LGI4: variants seen among roughly 807,000 people sequenced by gnomAD.
The protein encoded by LGI4 is leucine rich repeat LGI family member 4.
Under a neutral mutation model 48.3 loss-of-function variants are expected in LGI4, and 36 were observed. That is an observed-to-expected ratio of 0.75 (90% CI 0.57 to 0.98). The LOEUF (loss-of-function observed/expected upper bound fraction) is 0.98. Among genes scored for constraint, LGI4 ranks in the 50% least tolerant of loss-of-function variants. The pLI is 0.00. For missense variants in LGI4, 701 were observed against 732.1 expected, an observed-to-expected ratio of 0.96 and a Z score of 0.49; for synonymous variants, 355 against 331.6, an observed-to-expected ratio of 1.07 and a Z score of -0.77.
At chr19:35,131,245 G>C in intron 6 of LGI4, 141 bp downstream of exon 6, 2 of 987,418 alleles carry the variant, frequency 2.0e-6, no homozygotes, top group Non-Finnish European at 3.1e-6. Context: ...TGAGAAAACT[G>C]GGGCTCAGGA....
At position 35,133,545 on chromosome 19, in the gene LGI4, G is replaced by T. The variant is rs543224784; in HGVS notation, c.314+148C>A. The T allele has an allele frequency of 1.1e-5, 16 of 1,474,252 alleles. No homozygotes were observed. The East Asian group carries it at 3.5e-4, about 32-fold the overall frequency. 91.3% of individuals were successfully genotyped at this position (1,474,252 alleles called of 1,614,324 possible). A position where few individuals can be genotyped will look rare whatever the true frequency, so the allele number is the denominator to read the frequency against. ...TCACCCAAAGCATCATCACCATTGG[G>T]TTCGCCATTTTTATCAACACCATCC... On this transcript the variant is annotated intron_variant, in intron 3 of 8. Coordinates refer to ENST00000310123, the MANE Select transcript of LGI4 (RefSeq NM_139284.3).
Position 35,134,571 on chromosome 19 carries a change from C to T in LGI4, c.110G>A (p.Ser37Asn), listed in dbSNP as rs1268734336. 1.3e-6 allele frequency: 2 copies of T among 1,585,046 alleles called. No homozygotes were observed. The highest frequency in any genetic ancestry group is 1.3e-5 in the African/African-American group (1 of 74,856). Reference sequence around the variant, plus strand: ...GTCCGGGGAGCCCTCACACAGGGCGCTGTCTTTAGAGCAGGAGCAGCGCAG... The same window carrying T: ...GTCCGGGGAGCCCTCACACAGGGCGTTGTCTTTAGAGCAGGAGCAGCGCAG... ...CPLRCSCSKD[S>N]ALCEGSPDLP... The change falls in exon 1 of 9, where the codon AGC becomes AAC. Residue 37 changes from serine (S) to asparagine (N), a missense_variant. Ser to Asn is a conservative substitution (Grantham distance 46, BLOSUM62 1). Transcript: ENST00000310123.
chr19:35,131,894 A>G, intron 4 of LGI4, 34 bp from the exon 5 acceptor site: 2 of 1,564,496 alleles, frequency 1.3e-6, no homozygotes, highest in Non-Finnish European at 8.7e-7. Flanking sequence ...GTCAGCAGCC[A>G]CAAGGATACC....
rs778597491 is a variant in LGI4, at chr19:35,126,257, G to A, written c.1299+13C>T. 9.3e-6 allele frequency: 15 copies of A among 1,610,268 alleles called. No homozygotes were observed. In the South Asian group the frequency reaches 1.3e-4, roughly 14 times the overall value. On this transcript the variant is annotated intron_variant, in intron 8 of 8. Transcript: ENST00000310123. ...CTGAAAAGCCAGCCCCCCGCCCCCA[G>A]GCCCAGCCTCACCATGGAGTCCCCA...
In LGI4 at chr19:35,134,553, G is replaced by T; in HGVS notation, c.128C>A (p.Ser43Tyr). Residue 43 changes from serine (S) to tyrosine (Y), a missense_variant, in exon 1 of 9, where the codon TCC becomes TAC. Coordinates refer to ENST00000310123, the MANE Select transcript of LGI4 (RefSeq NM_139284.3). ...AGAGAAGCTGACGGGCAGGTCCGGG[G>T]AGCCCTCACACAGGGCGCTGTCTTT... ...CSKDSALCEG[S>Y]PDLPVSFSPT... The T allele has an allele frequency of 6.3e-7, 1 of 1,585,740 alleles. No individual in the cohort carries two copies. The highest frequency in any genetic ancestry group is 8.6e-7 in the Non-Finnish European group (1 of 1,166,602).
chr19:35,128,890 G>A (rs959119145), intron 6 of LGI4, among the ~76,000 whole-genome samples: 9 of 152,056 alleles, frequency 5.9e-5, no homozygotes, highest in African/African-American at 1.7e-4. Context: ...CAGGGCCACC[G>A]GCCAGGCTGT....
At chr19:35,126,000 G>T in intron 8 of LGI4, 1 of 569,816 alleles carries the variant, frequency 1.8e-6, no homozygotes, top group Non-Finnish European at 3.2e-6. Flanking sequence ...GTGGGGACAG[G>T]TGTGGCTGTG....
At chr19:35,131,904 C>G in intron 4 of LGI4, 44 bp from the exon 5 acceptor site, 1 of 1,563,612 alleles carries the variant, frequency 6.4e-7, no homozygotes, top group Non-Finnish European at 8.7e-7. Context: ...ACAAGGATAC[C>G]CTGTGTTCCC....
intron 3 of LGI4, among the ~76,000 whole-genome samples, chr19:35,133,128 A>G: frequency 6.6e-6 from 1 of 151,960 alleles, no homozygotes; most frequent in East Asian, 1.9e-4. Context: ...CCACTCCATC[A>G]TCATCAATAA....
In LGI4 at chr19:35,133,766, T is replaced by C. The variant is rs775909567; in HGVS notation, c.243-2A>G. 1.2e-6 allele frequency: 2 copies of C among 1,605,360 alleles called. No homozygotes were observed. The highest frequency in any genetic ancestry group is 1.7e-6 in the Non-Finnish European group (2 of 1,176,352). ...GAGAAGGAGTTGGAGGTGAAGAGGC[T>C]GGCAAGGGGGCAAGAAAGAAATTTT... is the stretch of plus-strand genomic sequence containing the variant. On this transcript the variant is annotated splice_acceptor_variant, in intron 2 of 8. Transcript: ENST00000310123. LOFTEE classifies it high-confidence loss of function.
At chr19:35,127,330 T>C (rs1398179343) in intron 6 of LGI4, among the ~76,000 whole-genome samples, 1 of 152,158 alleles carries the variant, frequency 6.6e-6, no homozygotes, top group African/African-American at 2.4e-5. Context: ...TACAGGTGTG[T>C]GCTACCATGG....
At chr19:35,125,547 G>T in intron 8 of LGI4, 40 bp from the exon 9 acceptor site, 1 of 1,474,706 alleles carries the variant, frequency 6.8e-7, no homozygotes, top group Non-Finnish European at 9.1e-7. Flanking sequence ...GGTCCCGGGG[G>T]TCTCTGGGGG....
chr19:35,131,354 C>T (rs974826314), intron 6 of LGI4, 32 bp downstream of exon 6: 11 of 1,550,194 alleles, frequency 7.1e-6, no homozygotes, highest in Non-Finnish European at 9.6e-6. Context: ...CCCAGATCTC[C>T]CGCCTCCCAC....
rs1255028149 is a variant in LGI4, at chr19:35,134,070, C to A, written c.205G>T (p.Ala69Ser). 1 of 1,566,696 alleles carries A rather than the reference C, an allele frequency of 6.4e-7. No individual in the cohort carries two copies. The highest frequency in any genetic ancestry group is 1.2e-5 in the South Asian group (1 of 84,946). ...LVRTGVTQLK[A>S]GSFLRIPSLH... is the part of the protein sequence containing the mutation. ...GACGGAATTCTCAGGAAGCTGCCGGCCTTCAGCTGGGTGACTCCCGTCCTG... is the reference window on the plus strand; with the variant it reads ...GACGGAATTCTCAGGAAGCTGCCGGACTTCAGCTGGGTGACTCCCGTCCTG... Residue 69 changes from alanine to serine, a missense_variant, in exon 2 of 9, where the codon GCC (alanine) becomes TCC (serine). This residue lies in a region of LGI4 where 462 missense variants were observed against 436.4 expected (regional missense o/e 1.06). Transcript: ENST00000310123.
chr19:35,131,216 A>G (rs2065171906), intron 6 of LGI4, 170 bp downstream of exon 6: 1 of 795,262 alleles, frequency 1.3e-6, no homozygotes, highest in Non-Finnish European at 2.1e-6. Context: ...ATCACTGTTT[A>G]TTACCCCCAC....
chr19:35,125,838 TC>T, intron 8 of LGI4: 1 of 589,982 alleles, frequency 1.7e-6, no homozygotes, highest in South Asian at 1.6e-5. Flanking sequence ...CTCTCCCTGC[TC>T]CCCCAGTCTG....
chr19:35,131,069 G>T (rs958029148), intron 6 of LGI4: 2 of 591,854 alleles, frequency 3.4e-6, no homozygotes, highest in African/African-American at 1.9e-5. Flanking sequence ...GCAATACTTG[G>T]CACTTAACGA....
intron 8 of LGI4, 32 bp downstream of exon 8, chr19:35,126,238 A>G: frequency 6.2e-7 from 1 of 1,602,790 alleles, no homozygotes; most frequent in Non-Finnish European, 8.5e-7. Flanking sequence ...AGTGCTGAAA[A>G]GCCAGCCCCC....
In LGI4 at chr19:35,126,699, G is replaced by A. The variant is rs1568393478; in HGVS notation, c.870C>T (p.Gly290=). The change falls in exon 8 of 9, where the codon GGC becomes GGT. Residue 290 remains glycine, a synonymous_variant. Transcript: ENST00000310123. ...LFVLAARLWG[G]SQLWARPSPG... ...GACTGGGCCGGGCCCACAGCTGTGA[G>A]CCCCCCCACAGGCGGGCAGCCAGCA... 4 of 1,537,644 alleles carry A rather than the reference G, an allele frequency of 2.6e-6. No homozygotes were observed. Among genetic ancestry groups the A allele is most frequent in the Non-Finnish European group, 3.5e-6 (4 of 1,146,982 alleles).
Sources: gnomAD v4.1 joint callset for allele counts (sites outside exome capture counted in the v4.1 genomes callset) on GRCh38, gnomAD v4.1.1 for gene constraint, gnomAD v4.1.1 regional missense constraint, MANE v1.5 for transcripts, NCBI Gene and HGNC (gene_info 2026-07-23, HGNC 2026-07-21) for gene names.